LTBP1: variants seen among roughly 807,000 people sequenced by gnomAD.
LTBP1 encodes latent-transforming growth factor beta-binding protein 1.
A neutral mutation model predicts 207.6 loss-of-function variants in LTBP1; 129 were observed. The ratio of observed to expected loss-of-function variants is 0.62; its 90% CI spans 0.54 to 0.72. The LOEUF is 0.72. Ranked by LOEUF, LTBP1 falls within the 30% of genes least tolerant of loss-of-function variation. The pLI is 0.00. For synonymous variants in LTBP1, 963 were observed against 833.7 expected (o/e 1.16, Z -2.67); for missense variants, 2,281 against 2,217.2 (o/e 1.03, Z -0.58).
At chr2:33,066,718 A>T (rs996572200) in intron 3 of LTBP1, among the ~76,000 whole-genome samples, 5 of 152,206 alleles carry the variant, frequency 3.3e-5, no homozygotes, top group Admixed American at 2.6e-4. Flanking sequence ...TTAAAATCAA[A>T]TGTTTCATTA....
rs1216548071 is a variant in LTBP1 at position 32,946,999 on chromosome 2, C to A, written c.-326C>A. 1.4e-5 allele frequency: 3 copies of A among 208,668 alleles called. No homozygotes were observed. The highest frequency in any genetic ancestry group is 4.6e-5 in the African/African-American group (2 of 43,284). 12.9% of individuals were successfully genotyped at this position (208,668 alleles called of 1,614,324 possible). On this transcript the variant is annotated 5_prime_UTR_variant, in exon 1 of 34. Coordinates refer to ENST00000404816, the MANE Select transcript of LTBP1 (RefSeq NM_206943.4). The stretch of plus-strand genomic sequence containing the variant: ...CTCGCTCTCGGCCACCCTCGCCGGG[C>A]CCCGCTGCGGCGCGCGCTGCAACCC...
At chr2:32,968,958 C>T (rs1680415105) in intron 2 of LTBP1, among the ~76,000 whole-genome samples, 2 of 143,980 alleles carry the variant, frequency 1.4e-5, no homozygotes, top group South Asian at 2.3e-4. Context: ...CTCTGTCACC[C>T]AGGCTGGAGT....
At chr2:33,235,777 A>G (rs2092014528) in intron 9 of LTBP1, among the ~76,000 whole-genome samples, 1 of 152,234 alleles carries the variant, frequency 6.6e-6, no homozygotes, top group Non-Finnish European at 1.5e-5. Flanking sequence ...GCTGGAAACC[A>G]TCATTCTTAG....
At position 33,301,567 on chromosome 2, in the gene LTBP1, G is replaced by A. The variant is rs754379815; in HGVS notation, c.3404G>A (p.Cys1135Tyr). The change falls in exon 22 of 34, where the codon TGC becomes TAC. Residue 1135 changes from cysteine to tyrosine, a missense_variant. By Grantham distance (194) the Cys-to-Tyr change is radical (BLOSUM62 -2). This residue lies in a region of LTBP1 where 1,671 missense variants were observed against 1,634.8 expected (regional missense o/e 1.02). Coordinates refer to ENST00000404816, the MANE Select transcript of LTBP1 (RefSeq NM_206943.4). ...CGTCATCTCTGTGCTCATGGGCAGT[G>A]CAGGAACACTGAGGGCTCTTTTCAA... is the stretch of plus-strand genomic sequence containing the variant. ...QHRHLCAHGQ[C>Y]RNTEGSFQCV... 4 of 1,613,040 alleles carry A rather than the reference G, an allele frequency of 2.5e-6. No individual in the cohort carries two copies. In the Admixed American group the frequency reaches 6.7e-5, roughly 27 times the overall value.
At chr2:33,057,118 A>G (rs1378170175) in intron 3 of LTBP1, among the ~76,000 whole-genome samples, 1 of 145,800 alleles carries the variant, frequency 6.9e-6, no homozygotes, top group East Asian at 1.9e-4. Flanking sequence ...TGAACTAGAG[A>G]CAGAGTGCTG....
intron 2 of LTBP1, among the ~76,000 whole-genome samples, chr2:32,972,549 G>A (rs1572887130): frequency 1.3e-5 from 2 of 152,166 alleles, no homozygotes; most frequent in African/African-American, 4.8e-5. Context: ...TTCAGGAGCA[G>A]GTTATTTAAT....
At chr2:33,278,429 C>G (rs763650542) in intron 18 of LTBP1, among the ~76,000 whole-genome samples, 77 of 152,174 alleles carry the variant, frequency 5.1e-4, no homozygotes, top group Non-Finnish European at 7.8e-4. Context: ...CGTCCCCGGG[C>G]TTCTGGCACA....
chr2:33,265,293 A>G (rs562803729), intron 15 of LTBP1, among the ~76,000 whole-genome samples: 1 of 152,354 alleles, frequency 6.6e-6, no homozygotes, highest in East Asian at 1.9e-4. Context: ...CAATATGTAT[A>G]AAAAACTTCA....
chr2:33,114,738 G>T (rs2080633112), intron 4 of LTBP1, among the ~76,000 whole-genome samples: 1 of 152,150 alleles, frequency 6.6e-6, no homozygotes, highest in Non-Finnish European at 1.5e-5. Context: ...ACTCCTGGTT[G>T]CTTATAGAAA....
chr2:33,300,970 T>G (rs1173246986), intron 21 of LTBP1, among the ~76,000 whole-genome samples: 1 of 152,236 alleles, frequency 6.6e-6, no homozygotes, highest in South Asian at 2.1e-4. Flanking sequence ...AATTTTTGTA[T>G]TTAACGTTGA....
At chr2:33,060,249 A>C (rs1460602748) in intron 3 of LTBP1, among the ~76,000 whole-genome samples, 1 of 152,200 alleles carries the variant, frequency 6.6e-6, no homozygotes, top group Non-Finnish European at 1.5e-5. Context: ...GTGGGTTGAG[A>C]GGAAATAAAT....
At chr2:33,259,714 T>C (rs2092959440) in intron 13 of LTBP1, 104 bp downstream of exon 13, 1 of 1,050,870 alleles carries the variant, frequency 9.5e-7, no homozygotes, top group Admixed American at 2.4e-5. Context: ...AACATCTCTA[T>C]TATGCATCAT....
chr2:33,089,173 G>GA (rs962135577), intron 3 of LTBP1, among the ~76,000 whole-genome samples: 1 of 133,526 alleles, frequency 7.5e-6, no homozygotes, highest in Admixed American at 7.5e-5. Context: ...AAAAAAAAAA[G>GA]AAAAAAAGAA....
Position 33,259,576 on chromosome 2 carries a change from T to C in LTBP1, c.2396-12T>C. 6.3e-7 allele frequency: 1 copy of C among 1,599,398 alleles called. No individual in the cohort carries two copies. Among genetic ancestry groups the C allele is most frequent in the Non-Finnish European group, 8.5e-7 (1 of 1,173,266 alleles). On this transcript the variant is annotated splice_polypyrimidine_tract_variant and intron_variant, in intron 12 of 33. Transcript: ENST00000404816. ...AAATGGTACTAATACCCTTTTTCTT[T>C]TCTGGTTTTAGTGGCAACTGCACCC...
chr2:33,065,573 A>AAG (rs1438864129), intron 3 of LTBP1, among the ~76,000 whole-genome samples: 1 of 152,070 alleles, frequency 6.6e-6, no homozygotes, highest in Non-Finnish European at 1.5e-5. Context: ...AGGAAAAAAA[A>AAG]AAATCCCACT....
chr2:33,021,579 A>G (rs1319230234), intron 3 of LTBP1, among the ~76,000 whole-genome samples: 1 of 152,178 alleles, frequency 6.6e-6, no homozygotes, highest in Non-Finnish European at 1.5e-5. Flanking sequence ...TTAAAAAAAG[A>G]AACAGTGTTA....
At chr2:33,127,081 C>T (rs2081476382) in intron 4 of LTBP1, among the ~76,000 whole-genome samples, 1 of 152,070 alleles carries the variant, frequency 6.6e-6, no homozygotes, top group South Asian at 2.1e-4. Flanking sequence ...TTTTTGTTTG[C>T]TCTGGATTTT....
At chr2:33,207,369 C>A (rs547552438) in intron 7 of LTBP1, among the ~76,000 whole-genome samples, 6 of 149,380 alleles carry the variant, frequency 4.0e-5, no homozygotes, top group Non-Finnish European at 7.4e-5. Context: ...ACATTTCCAG[C>A]AGTTAAATGC....
intron 20 of LTBP1, among the ~76,000 whole-genome samples, chr2:33,295,364 T>G (rs2093854531): frequency 6.6e-6 from 1 of 151,948 alleles, no homozygotes; most frequent in Non-Finnish European, 1.5e-5. Flanking sequence ...CTGTCTCTAC[T>G]AAAAATACAA....
Sources: gnomAD v4.1 joint callset for allele counts (sites outside exome capture counted in the v4.1 genomes callset) on GRCh38, gnomAD v4.1.1 for gene constraint, gnomAD v4.1.1 regional missense constraint, MANE v1.5 for transcripts, NCBI Gene and HGNC (gene_info 2026-07-23, HGNC 2026-07-21) for gene names.